RGN: variants seen among roughly 807,000 people sequenced by gnomAD.
RGN encodes epididymis secretory protein Li 41.
A neutral mutation model predicts 20.6 loss-of-function variants in RGN; 19 were observed. The observed-to-expected ratio is 0.92, with a 90% CI of 0.64 to 1.35. The LOEUF (loss-of-function observed/expected upper bound fraction) is 1.35, where lower values mean the gene tolerates loss of function less well. Among genes scored for constraint, RGN ranks in the 40% most tolerant of loss-of-function variants. The pLI is 0.00. For synonymous variants in RGN, 85 were observed against 87.2 expected (o/e 0.97, Z 0.14); for missense variants, 302 against 232.7 (o/e 1.30, Z -1.94).
chrX:47,085,641 A>G (rs73484401), intron 4 of RGN, among the ~76,000 whole-genome samples: 5,703 of 110,718 alleles, frequency 0.052, 392 homozygotes, highest in African/African-American at 0.18. Flanking sequence ...CTTTATCTCC[A>G]GAGTCCTTTA....
chrX:47,079,356 GTTTT>G (rs201087134), intron 1 of RGN, among the ~76,000 whole-genome samples: 5,900 of 50,579 alleles, frequency 0.12, 197 homozygotes, highest in Non-Finnish European at 0.15. Context: ...TTTTTTGTTT[GTTTT>G]TTTTTTTGTT....
intron 5 of RGN, 62 bp from the exon 6 acceptor site, chrX:47,091,616 C>T: frequency 8.7e-7 from 1 of 1,143,721 alleles, no homozygotes; most frequent in South Asian, 2.1e-5. Context: ...GTTTGATTCT[C>T]AGTATTTAGT....
rs1556386880 is a variant in RGN, at chrX:47,090,005, A to G, written c.562+14A>G. ...CAGGACAGATCTGTATGTATTTTTC[A>G]TTATTTGTCTCAGTGCTGCCACTAT... is the stretch of plus-strand genomic sequence containing the variant. On this transcript the variant is annotated intron_variant, in intron 5 of 7. Coordinates refer to ENST00000397180, the MANE Select transcript of RGN (RefSeq NM_152869.4). The G allele has an allele frequency of 3.6e-6, 4 of 1,119,071 alleles. No homozygotes were observed. Among genetic ancestry groups the G allele is most frequent in the East Asian group, 3.1e-5 (1 of 32,319 alleles). The allele number at this position is 1,119,071 out of a possible 1,213,427, so 92.2% of individuals were successfully genotyped here. A position where few individuals can be genotyped will look rare whatever the true frequency, so the allele number is the denominator to read the frequency against.
intron 4 of RGN, among the ~76,000 whole-genome samples, chrX:47,088,334 G>A (rs1239942870): frequency 9.1e-6 from 1 of 109,561 alleles, no homozygotes; most frequent in Non-Finnish European, 1.9e-5. Flanking sequence ...TCACATGCAT[G>A]TTCCAGGCCT....
chrX:47,084,856 G>T, intron 4 of RGN: 2 of 296,704 alleles, frequency 6.7e-6, no homozygotes, highest in Non-Finnish European at 1.2e-5. Flanking sequence ...TCAGGAGGCT[G>T]AGTTGGAAGG....
At chrX:47,085,067 C>CA (rs371824783) in intron 4 of RGN, 34 of 108,345 alleles carry the variant, frequency 3.1e-4, no homozygotes, top group Middle Eastern at 4.7e-3. Flanking sequence ...AGTTGTAGGA[C>CA]AAAAAAAAAA....
At chrX:47,088,693 A>G (rs1930718137) in intron 4 of RGN, among the ~76,000 whole-genome samples, 1 of 108,836 alleles carries the variant, frequency 9.2e-6, no homozygotes, top group Non-Finnish European at 1.9e-5. Context: ...GCACTTTGGG[A>G]GGCCGAGGCA....
At chrX:47,090,978 A>AAG (rs1556387608) in intron 5 of RGN, among the ~76,000 whole-genome samples, 1 of 105,830 alleles carries the variant, frequency 9.4e-6, no homozygotes, top group Admixed American at 1.0e-4. Context: ...GAAAGAAAGA[A>AAG]AGAAAGATGT....
intron 3 of RGN, among the ~76,000 whole-genome samples, chrX:47,083,427 G>A (rs188277698): frequency 3.7e-3 from 411 of 110,507 alleles, no homozygotes; most frequent in South Asian, 0.018. Context: ...CTTATACATG[G>A]AAAAATATTA....
Position 47,084,531 on chromosome X carries a change from G to A in RGN, c.277G>A (p.Val93Met), listed in dbSNP as rs782397984. Residue 93 changes from valine to methionine, a missense_variant, in exon 4 of 8, where the codon GTG (valine) becomes ATG (methionine). By Grantham distance (21) the Val-to-Met change is conservative. Coordinates refer to ENST00000397180, the MANE Select transcript of RGN (RefSeq NM_152869.4). The stretch of plus-strand genomic sequence containing the variant: ...ACAATCAGCAGTTGTCTTGGCCACG[G>A]TGGATAACGACAAGAAAAACAATCG... ...KEQSAVVLAT[V>M]DNDKKNNRFN... 6 of 1,202,320 alleles carry A rather than the reference G, an allele frequency of 5.0e-6. No individual in the cohort carries two copies. In the African/African-American group the frequency reaches 8.7e-5, roughly 17 times the overall value.
rs150203186 is a variant in RGN at position 47,081,141 on chromosome X, G to C, written c.-4G>C. The C allele has an allele frequency of 8.3e-7, 1 of 1,204,263 alleles. No homozygotes were observed. The highest frequency in any genetic ancestry group is 1.1e-6 in the Non-Finnish European group (1 of 888,974). On this transcript the variant is annotated 5_prime_UTR_variant, in exon 3 of 8. Transcript: ENST00000397180. Reference sequence around the variant, plus strand: ...GTTACCTTCAATAGATCTCCCCTGCGACCATGTCTTCCATTAAGATTGAGT... The same window carrying C: ...GTTACCTTCAATAGATCTCCCCTGCCACCATGTCTTCCATTAAGATTGAGT...
intron 4 of RGN, chrX:47,084,811 T>A (rs1930513434): frequency 2.8e-6 from 1 of 355,493 alleles, no homozygotes; most frequent in African/African-American, 2.6e-5. Context: ...AAAAATTAGC[T>A]GGGCCTGGTG....
chrX:47,079,125 AATTTTTTGT>A (rs1208226771), intron 1 of RGN, among the ~76,000 whole-genome samples: 1 of 108,479 alleles, frequency 9.2e-6, no homozygotes, highest in Non-Finnish European at 1.9e-5. Flanking sequence ...AAGCCCGGCT[AATTTTTTGT>A]ATTTTTTGTA....
At position 47,084,399 on chromosome X, in the gene RGN, T is replaced by G. The variant is rs1930487326; in HGVS notation, c.164-19T>G. On this transcript the variant is annotated intron_variant, in intron 3 of 7. Coordinates refer to ENST00000397180, the MANE Select transcript of RGN (RefSeq NM_152869.4). ...CACTAAACTGGTACTGTTTTTTAAC[T>G]GTTGCTTTACCTCTACAGATGCCCC... is the stretch of plus-strand genomic sequence containing the variant. 1 of 1,174,848 alleles carries G rather than the reference T, an allele frequency of 8.5e-7. No homozygotes were observed. The highest frequency in any genetic ancestry group is 3.0e-5 in the East Asian group (1 of 33,076).
intron 4 of RGN, among the ~76,000 whole-genome samples, chrX:47,088,076 C>T (rs1010813563): frequency 9.6e-6 from 1 of 104,128 alleles, no homozygotes; most frequent in African/African-American, 3.5e-5. Flanking sequence ...TAGTGCTATG[C>T]ATCTGCCAGA....
At chrX:47,079,618 A>C (rs1406963784) in intron 1 of RGN, among the ~76,000 whole-genome samples, 7 of 107,606 alleles carry the variant, frequency 6.5e-5, no homozygotes, top group Non-Finnish European at 1.3e-4. Flanking sequence ...TTTTTAGTAG[A>C]GATGGGGTTT....
intron 1 of RGN, among the ~76,000 whole-genome samples, chrX:47,079,953 G>C (rs989023066): frequency 9.0e-6 from 1 of 110,742 alleles, no homozygotes; most frequent in Admixed American, 9.7e-5. Flanking sequence ...GCATGATCAC[G>C]GCTCATTGCA....
rs1212317133 is a variant in RGN, at chrX:47,089,856, G to A, written c.427G>A (p.Val143Met). The change falls in exon 5 of 8, where the codon GTG becomes ATG. Residue 143 changes from valine to methionine, a missense_variant. Val to Met is a conservative substitution (Grantham distance 21). Transcript: ENST00000397180. ...GTACTCCCTCTTTCCTGATCACCACGTGAAAAAGTACTTTGACCAGGTGGA... is the reference window on the plus strand; with the variant it reads ...GTACTCCCTCTTTCCTGATCACCACATGAAAAAGTACTTTGACCAGGTGGA... ...ALYSLFPDHH[V>M]KKYFDQVDIS... 4.4e-5 allele frequency: 53 copies of A among 1,205,568 alleles called. No homozygotes were observed. Among genetic ancestry groups the A allele is most frequent in the Non-Finnish European group, 5.6e-5 (50 of 893,701 alleles).
chrX:47,088,521 C>T (rs1211236280), intron 4 of RGN, among the ~76,000 whole-genome samples: 3 of 110,917 alleles, frequency 2.7e-5, no homozygotes, highest in Non-Finnish European at 5.7e-5. Context: ...ATCTCATTTT[C>T]GGCATCTGTT....
Sources: gnomAD v4.1 joint callset for allele counts (sites outside exome capture counted in the v4.1 genomes callset) on GRCh38, gnomAD v4.1.1 for gene constraint, MANE v1.5 for transcripts, NCBI Gene and HGNC (gene_info 2026-07-23, HGNC 2026-07-21) for gene names.